The following SLC24A2 variants were observed in gnomAD, a reference collection of about 807,000 sequenced individuals.
The protein encoded by SLC24A2 is sodium/potassium/calcium exchanger 2.
SLC24A2 carries 36 observed loss-of-function variants against 62.0 expected under a neutral mutation model. That is an observed-to-expected ratio of 0.58 (90% CI 0.44 to 0.77). The LOEUF is 0.77. SLC24A2 is among the 30% of genes least tolerant of loss of function. The probability of loss-of-function intolerance (pLI) is 0.00; values close to 1 mark genes in which losing one functional copy is unlikely to be tolerated. For missense variants in SLC24A2, 846 were observed against 817.9 expected, an observed-to-expected ratio of 1.03 and a Z score of -0.42; for synonymous variants, 358 against 294.0, an observed-to-expected ratio of 1.22 and a Z score of -2.23.
At chr9:20,060,905 G>C in the SLC24A2 span, among the ~76,000 whole-genome samples, 1 of 151,846 alleles carries the variant, frequency 6.6e-6, no homozygotes, top group Non-Finnish European at 1.5e-5. Context: ...CAAATAACCA[G>C]AAAGTAAATT....
the SLC24A2 span, among the ~76,000 whole-genome samples, chr9:19,815,847 A>G: frequency 2.6e-5 from 4 of 152,138 alleles, no homozygotes; most frequent in Non-Finnish European, 4.4e-5. Context: ...TATAAAACAA[A>G]GAAATATGTA....
chr9:20,055,787 G>T, the SLC24A2 span, among the ~76,000 whole-genome samples: 1 of 152,118 alleles, frequency 6.6e-6, no homozygotes, highest in Non-Finnish European at 1.5e-5. Context: ...ACTTAGGGAG[G>T]CTGAGGCAGG....
the SLC24A2 span, among the ~76,000 whole-genome samples, chr9:20,238,273 G>C: frequency 6.6e-6 from 1 of 152,062 alleles, no homozygotes; most frequent in Non-Finnish European, 1.5e-5. Flanking sequence ...TTAAAAAATG[G>C]GCCACAGAGA....
chr9:20,086,326 G>A, the SLC24A2 span, among the ~76,000 whole-genome samples: 5 of 152,122 alleles, frequency 3.3e-5, no homozygotes. Flanking sequence ...CACCTGCTCA[G>A]GGCTGCTCAC....
chr9:19,536,123 C>T (rs376259610), intron 8 of SLC24A2, among the ~76,000 whole-genome samples: 6 of 149,040 alleles, frequency 4.0e-5, no homozygotes, highest in Non-Finnish European at 7.4e-5. Flanking sequence ...AGAGTTCACT[C>T]ATGATTTGGC....
chr9:19,618,272 G>A (rs756591196), intron 4 of SLC24A2, among the ~76,000 whole-genome samples: 1 of 152,108 alleles, frequency 6.6e-6, no homozygotes, highest in South Asian at 2.1e-4. Context: ...ATATCCCAGG[G>A]GAAAGAAAAG....
the SLC24A2 span, among the ~76,000 whole-genome samples, chr9:19,966,429 G>C: frequency 1.3e-5 from 2 of 152,118 alleles, no homozygotes; most frequent in Admixed American, 6.5e-5. Flanking sequence ...TGAACACAAA[G>C]ATCATTTTAG....
intron 2 of SLC24A2, among the ~76,000 whole-genome samples, chr9:19,653,948 C>T (rs2118182278): frequency 6.6e-6 from 1 of 152,294 alleles, no homozygotes; most frequent in Non-Finnish European, 1.5e-5. Flanking sequence ...GCAAAATTTA[C>T]ATACGAGTCA....
intron 9 of SLC24A2, among the ~76,000 whole-genome samples, chr9:19,524,930 A>T (rs1833365011): frequency 6.6e-6 from 1 of 152,240 alleles, no homozygotes; most frequent in South Asian, 2.1e-4. Context: ...TTAGAAAAAC[A>T]CCATTTTTTC....
chr9:19,544,519 T>A (rs1295537654), intron 8 of SLC24A2, among the ~76,000 whole-genome samples: 5 of 152,182 alleles, frequency 3.3e-5, no homozygotes, highest in African/African-American at 1.2e-4. Flanking sequence ...TGTTTCTTTA[T>A]AGTGTTGATG....
the SLC24A2 span, among the ~76,000 whole-genome samples, chr9:19,845,808 A>T: frequency 3.9e-5 from 6 of 152,026 alleles, no homozygotes; most frequent in African/African-American, 1.4e-4. Flanking sequence ...CATTTATTTC[A>T]TATAATTTTT....
chr9:19,577,026 A>G lies in SLC24A2; in HGVS notation c.1130-4T>C. 1 of 1,611,644 alleles carries G rather than the reference A, an allele frequency of 6.2e-7. No homozygotes were observed. The highest frequency in any genetic ancestry group is 2.2e-5 in the East Asian group (1 of 44,860). ...GAAGCCTTTTCTCTGAACCTCCCTG[A>G]AGCAAAAGAAAGTGGCAGGAAGGAG... is the stretch of plus-strand genomic sequence containing the variant. On this transcript the variant is annotated splice_region_variant and splice_polypyrimidine_tract_variant and intron_variant, in intron 5 of 10. Transcript: ENST00000341998.
the SLC24A2 span, among the ~76,000 whole-genome samples, chr9:20,081,588 C>G: frequency 2.6e-5 from 4 of 151,820 alleles, no homozygotes; most frequent in Non-Finnish European, 5.9e-5. Flanking sequence ...ATGTAACAAA[C>G]CTGCACGTTG....
At chr9:19,539,751 G>A (rs1385190140) in intron 8 of SLC24A2, among the ~76,000 whole-genome samples, 1 of 17,114 alleles carries the variant, frequency 5.8e-5, no homozygotes, top group Non-Finnish European at 1.3e-4. Context: ...TTCAATTCCT[G>A]GGTATCCTTG....
chr9:20,084,425 C>T, the SLC24A2 span, among the ~76,000 whole-genome samples: 2 of 151,720 alleles, frequency 1.3e-5, no homozygotes, highest in South Asian at 4.2e-4. Context: ...AATCAGAATT[C>T]CCCTCCTTTC....
intron 2 of SLC24A2, among the ~76,000 whole-genome samples, chr9:19,735,791 AG>A (rs1346626974): frequency 1.3e-5 from 2 of 149,380 alleles, no homozygotes; most frequent in Non-Finnish European, 1.5e-5. Flanking sequence ...TCTCATTCAT[AG>A]GTGGGAATTG....
the SLC24A2 span, among the ~76,000 whole-genome samples, chr9:19,952,117 CT>C: frequency 7.5e-3 from 1,133 of 151,928 alleles, 21 homozygotes; most frequent in Middle Eastern, 0.034. Flanking sequence ...ATCTTAATTT[CT>C]AAATTATTTA....
At chr9:19,636,331 C>CTTTTCT (rs1564009833) in intron 2 of SLC24A2, among the ~76,000 whole-genome samples, 3 of 19,610 alleles carry the variant, frequency 1.5e-4, no homozygotes, top group Admixed American at 9.5e-4. Flanking sequence ...TTCTTTCTTT[C>CTTTTCT]TTTCTTTCTT....
intron 7 of SLC24A2, among the ~76,000 whole-genome samples, chr9:19,566,931 C>A (rs144660310): frequency 0.044 from 6,063 of 137,582 alleles, 408 homozygotes; most frequent in African/African-American, 0.15. Context: ...GGACACAGGA[C>A]GGGGAACATC....
Sources: allele counts gnomAD v4.1 joint callset (sites outside exome capture counted in the v4.1 genomes callset), GRCh38; gene constraint gnomAD v4.1.1; transcripts MANE v1.5; gene names NCBI Gene and HGNC (gene_info 2026-07-23, HGNC 2026-07-21).